The following CARD6 variants were observed in gnomAD, a reference collection of about 807,000 sequenced individuals.
The protein encoded by CARD6 is caspase recruitment domain-containing protein 6.
CARD6 carries 27 observed loss-of-function variants against 23.6 expected under a neutral mutation model. The observed-to-expected ratio is 1.14, with a 90% CI of 0.84 to 1.58. The LOEUF is 1.58. CARD6 is among the 40% of genes most tolerant of loss of function. The pLI is 0.00. For missense variants in CARD6, 1,214 were observed against 1,209.9 expected (o/e 1.00, Z -0.05); for synonymous variants, 397 against 431.8 (o/e 0.92, Z 1.00).
chr5:40,855,213 T>C lies in CARD6; in HGVS notation c.*767T>C, dbSNP rs1019179732. 1.3e-5 allele frequency: 2 copies of C among 152,384 alleles called. No individual in the cohort carries two copies. Among genetic ancestry groups the C allele is most frequent in the African/African-American group, 4.8e-5 (2 of 41,484 alleles). The allele number at this position is 152,384 out of a possible 1,614,324, so 9.4% of individuals were successfully genotyped here. ...GGTTCAATATCAGCCACTGAGCAGA[T>C]AACCCTGCTTATTTGGTGTGGTTAA... On this transcript the variant is annotated 3_prime_UTR_variant, in exon 3 of 3. Transcript: ENST00000254691.
Position 40,852,544 on chromosome 5 carries a change from T to G in CARD6, c.1212T>G (p.Ala404=), listed in dbSNP as rs758933185. 2 of 1,614,216 alleles carry G rather than the reference T, an allele frequency of 1.2e-6. No individual in the cohort carries two copies. The highest frequency in any genetic ancestry group is 2.2e-5 in the East Asian group (1 of 44,888). The change falls in exon 3 of 3, where the codon GCT becomes GCG. Residue 404 remains alanine (A), a synonymous_variant. Transcript: ENST00000254691. ...CAAACATGTATCAGTGCCAGTTTGCTCTTCCCCTGCTACTGCCAGATGCAG... is the reference window on the plus strand; with the variant it reads ...CAAACATGTATCAGTGCCAGTTTGCGCTTCCCCTGCTACTGCCAGATGCAG... ...VMSNMYQCQF[A]LPLLLPDAEN...
At chr5:40,852,065 C>T (rs1438658547) in intron 2 of CARD6, 109 bp from the exon 3 acceptor site, 2 of 672,490 alleles carry the variant, frequency 3.0e-6, no homozygotes, top group Non-Finnish European at 5.1e-6. Context: ...GATGATCATG[C>T]CCCTGGATTC....
In CARD6 at chr5:40,850,366, A is replaced by G. The variant is rs1395382973; in HGVS notation, c.842-1808A>G. Reference sequence around the variant, plus strand: ...GAGGTGGAGGTTTCAGTGAGCTGAGATCGTGCCACTGCACTCCAGCCTGGG... The same window carrying G: ...GAGGTGGAGGTTTCAGTGAGCTGAGGTCGTGCCACTGCACTCCAGCCTGGG... On this transcript the variant is annotated intron_variant, in intron 2 of 2. Transcript: ENST00000254691. Among the ~76,000 whole-genome samples the G allele has an allele frequency of 6.0e-5, 8 of 133,122 alleles. No individual in the cohort carries two copies. In the East Asian group the frequency reaches 2.0e-3, roughly 33 times the overall value. The allele number at this position is 133,122 out of a possible 152,430, so 87.3% of individuals were successfully genotyped here.
Position 40,843,209 on chromosome 5 carries a change from C to T in CARD6, c.341C>T (p.Ser114Leu), listed in dbSNP as rs1490074721. ...PPQSMGASSN[S>L]EDAFSPGIKQ... is the part of the protein sequence containing the mutation. ...CAATCTATGGGGGCAAGCAGTAATT[C>T]AGAAGATGCTTTTTCTCCTGGAATA... Residue 114 changes from serine to leucine, a missense_variant, in exon 2 of 3, where the codon TCA (serine) becomes TTA (leucine). Ser to Leu is a moderately radical substitution (Grantham distance 145). Transcript: ENST00000254691. 4.3e-6 allele frequency: 7 copies of T among 1,613,512 alleles called. No homozygotes were observed. The highest frequency in any genetic ancestry group is 5.9e-6 in the Non-Finnish European group (7 of 1,179,822).
rs1745914309 is a variant in CARD6 at position 40,843,557 on chromosome 5, AG to A, written c.691del (p.Glu231ArgfsTer49). ...TPEDAEATVE[E>X]EVYDDPEHVG... Reference sequence around the variant, plus strand: ...GAAGATGCAGAAGCCACTGTGGAAGAGGAGGTTTATGATGACCCAGAGCACG... The same window carrying A: ...GAAGATGCAGAAGCCACTGTGGAAGAGAGGTTTATGATGACCCAGAGCACG... On this transcript the variant is annotated frameshift_variant, in exon 2 of 3. Coordinates refer to ENST00000254691, the MANE Select transcript of CARD6 (RefSeq NM_032587.4). LOFTEE classifies it high-confidence loss of function. 1 of 1,609,564 alleles carries A rather than the reference AG, an allele frequency of 6.2e-7. No individual in the cohort carries two copies. The highest frequency in any genetic ancestry group is 8.5e-7 in the Non-Finnish European group (1 of 1,178,900).
At position 40,853,550 on chromosome 5, in the gene CARD6, G is replaced by C; in HGVS notation, c.2218G>C (p.Gly740Arg). The change falls in exon 3 of 3, where the codon GGT becomes CGT. Residue 740 changes from glycine (G) to arginine (R), a missense_variant. Transcript: ENST00000254691. ...NSWLFPTRIG[G>R]NFNHVSLKAS... ...CTGGCTCTTTCCAACCAGAATTGGA[G>C]GTAACTTTAACCATGTTTCCTTGAA... 1 of 1,614,210 alleles carries C rather than the reference G, an allele frequency of 6.2e-7. No homozygotes were observed. The highest frequency in any genetic ancestry group is 8.5e-7 in the Non-Finnish European group (1 of 1,180,020).
At position 40,843,471 on chromosome 5, in the gene CARD6, G is replaced by A. The variant is rs140482659; in HGVS notation, c.603G>A (p.Glu201=). 2.5e-5 allele frequency: 40 copies of A among 1,612,218 alleles called. No homozygotes were observed. The highest frequency in any genetic ancestry group is 3.4e-5 in the Admixed American group (2 of 59,564). ...ITYIKDGQRY[E]ELDDSLYLGK... is the part of the protein sequence containing the mutation. Reference sequence around the variant, plus strand: ...ATATAAAAGATGGACAGAGATATGAGGAGCTAGATGATTCTTTATACTTAG... The same window carrying A: ...ATATAAAAGATGGACAGAGATATGAAGAGCTAGATGATTCTTTATACTTAG... Residue 201 remains glutamate, a synonymous_variant, in exon 2 of 3, where the codon GAG becomes GAA. Coordinates refer to ENST00000254691, the MANE Select transcript of CARD6 (RefSeq NM_032587.4).
intron 1 of CARD6, 103 bp from the exon 2 acceptor site, chr5:40,843,049 T>C: frequency 2.7e-6 from 2 of 750,136 alleles, no homozygotes; most frequent in Admixed American, 2.9e-5. Context: ...AAAAAATAAA[T>C]AAATAAATAA....
At chr5:40,850,488 G>A (rs1746045369) in intron 2 of CARD6, among the ~76,000 whole-genome samples, 1 of 147,888 alleles carries the variant, frequency 6.8e-6, no homozygotes, top group African/African-American at 2.5e-5. Context: ...GCTGAGGAGG[G>A]TGGATTGCCT....
At position 40,853,740 on chromosome 5, in the gene CARD6, C is replaced by G. The variant is rs773462903; in HGVS notation, c.2408C>G (p.Ser803Cys). The change falls in exon 3 of 3, where the codon TCC (serine) becomes TGC (cysteine). Residue 803 changes from serine (S) to cysteine (C), a missense_variant. Transcript: ENST00000254691. ...TCAGGTGAAAGATTCATGAAATTTTCCAGAGTTGCTCGGGGATGTCACTCG... is the reference window on the plus strand; with the variant it reads ...TCAGGTGAAAGATTCATGAAATTTTGCAGAGTTGCTCGGGGATGTCACTCG... ...FYSGERFMKF[S>C]RVARGCHSNG... The G allele has an allele frequency of 6.2e-7, 1 of 1,614,134 alleles. No homozygotes were observed. Among genetic ancestry groups the G allele is most frequent in the Admixed American group, 1.7e-5 (1 of 60,006 alleles).
At chr5:40,847,345 G>A (rs1236886743) in intron 2 of CARD6, among the ~76,000 whole-genome samples, 2 of 152,296 alleles carry the variant, frequency 1.3e-5, no homozygotes, top group East Asian at 3.9e-4. Flanking sequence ...AACTTGTATA[G>A]ACAGTATCAA....
chr5:40,849,144 C>T (rs1363528542), intron 2 of CARD6, among the ~76,000 whole-genome samples: 2 of 151,998 alleles, frequency 1.3e-5, no homozygotes, highest in African/African-American at 4.8e-5. Flanking sequence ...CTACAGGCAC[C>T]TGCCACCACA....
Position 40,853,661 on chromosome 5 carries a change from C to G in CARD6, c.2329C>G (p.Gln777Glu). The change falls in exon 3 of 3, where the codon CAG (glutamine) becomes GAG (glutamate). Residue 777 changes from glutamine to glutamate, a missense_variant. Physicochemically the swap from Gln to Glu is conservative, Grantham distance 29. Transcript: ENST00000254691. Reference protein sequence around the residue: ...HPLPFQNAGAQGRGKSFGIQS... With the variant: ...HPLPFQNAGAEGRGKSFGIQS... ...TTTGCCTTTTCAGAATGCAGGGGCC[C>G]AGGGCCGAGGTAAAAGTTTTGGTAT... The G allele has an allele frequency of 1.9e-6, 3 of 1,614,218 alleles. No individual in the cohort carries two copies. Among genetic ancestry groups the G allele is most frequent in the Non-Finnish European group, 2.5e-6 (3 of 1,180,046 alleles).
In CARD6 at chr5:40,843,164, A is replaced by G. The variant is rs1275315371; in HGVS notation, c.296A>G (p.His99Arg). The G allele has an allele frequency of 1.3e-6, 2 of 1,577,052 alleles. No homozygotes were observed. Among genetic ancestry groups the G allele is most frequent in the East Asian group, 2.2e-5 (1 of 44,684 alleles). The change falls in exon 2 of 3, where the codon CAT (histidine) becomes CGT (arginine). Residue 99 changes from histidine (H) to arginine (R), a missense_variant. His to Arg is a conservative substitution (Grantham distance 29). Coordinates refer to ENST00000254691, the MANE Select transcript of CARD6 (RefSeq NM_032587.4). ...CTTTTCTTTGCAGAAGTTTTAAAACATGAGAATACAGTACCTCCTCAATCT... is the reference window on the plus strand; with the variant it reads ...CTTTTCTTTGCAGAAGTTTTAAAACGTGAGAATACAGTACCTCCTCAATCT... ...ICGLRHEVLK[H>R]ENTVPPQSMG...
rs1430284062 is a variant in CARD6 at position 40,841,404 on chromosome 5, TCA to T, written c.23_24del (p.Ser8Ter). On this transcript the variant is annotated frameshift_variant, in exon 1 of 3. Coordinates refer to ENST00000254691, the MANE Select transcript of CARD6 (RefSeq NM_032587.4). LOFTEE classifies it high-confidence loss of function. ...AACAATGGCTACCGAGAGTACTCCC[TCA>T]GAGATCATAGAAAGAGAAAGAAAAA... Reference protein sequence around the residue: MATESTPSEIIERERKKL... With the variant: MATESTPXEIIERERKKL... 7 of 1,610,856 alleles carry T rather than the reference TCA, an allele frequency of 4.3e-6. No homozygotes were observed. Among genetic ancestry groups the T allele is most frequent in the African/African-American group, 4.0e-5 (3 of 74,552 alleles).
At position 40,843,136 on chromosome 5, in the gene CARD6, ATTCTT is replaced by A. The variant is rs1745902512; in HGVS notation, c.284-9_284-5del. 6.5e-7 allele frequency: 1 copy of A among 1,542,810 alleles called. No homozygotes were observed. Among genetic ancestry groups the A allele is most frequent in the Non-Finnish European group, 8.7e-7 (1 of 1,146,906 alleles). ...TTCTTTTTCTTAATTGGGAAAAACA[ATTCTT>A]TTCTTTGCAGAAGTTTTAAAACATG... On this transcript the variant is annotated splice_polypyrimidine_tract_variant and intron_variant, in intron 1 of 2. Transcript: ENST00000254691.
intron 2 of CARD6, among the ~76,000 whole-genome samples, chr5:40,848,389 A>G (rs1206219418): frequency 6.6e-6 from 1 of 151,556 alleles, no homozygotes; most frequent in Non-Finnish European, 1.5e-5. Flanking sequence ...TTAATTTTGT[A>G]TTTTTTGTAG....
Position 40,841,632 on chromosome 5 carries a change from CCA to C in CARD6, c.253_254del (p.Gln85ValfsTer10). The C allele has an allele frequency of 6.2e-7, 1 of 1,613,832 alleles. No individual in the cohort carries two copies. Among genetic ancestry groups the C allele is most frequent in the Non-Finnish European group, 8.5e-7 (1 of 1,179,924 alleles). ...HFLKCLFSTF[P>X]QSAAICGLRH... ...TCTCAAGTGTTTATTTAGTACTTTTCCACAGTCAGCTGCCATTTGCGGCTTAA... is the reference window on the plus strand; with the variant it reads ...TCTCAAGTGTTTATTTAGTACTTTTCCAGTCAGCTGCCATTTGCGGCTTAA... On this transcript the variant is annotated frameshift_variant, in exon 1 of 3. Transcript: ENST00000254691. LOFTEE classifies it high-confidence loss of function.
Position 40,843,232 on chromosome 5 carries a change from A to C in CARD6, c.364A>C (p.Ile122Leu), listed in dbSNP as rs201952628. Residue 122 changes from isoleucine to leucine, a missense_variant, in exon 2 of 3, where the codon ATA (isoleucine) becomes CTA (leucine). Physicochemically the swap from Ile to Leu is conservative, Grantham distance 5. Transcript: ENST00000254691. ...TTCAGAAGATGCTTTTTCTCCTGGA[A>C]TAAAACAGCCTGAAGCCCCTGAGAT... is the stretch of plus-strand genomic sequence containing the variant. The part of the protein sequence containing the change: ...SNSEDAFSPG[I>L]KQPEAPEITV... 175 of 1,613,906 alleles carry C rather than the reference A, an allele frequency of 1.1e-4. 1 individual carries two copies. The highest frequency in any genetic ancestry group is 5.1e-6 in the Non-Finnish European group (6 of 1,179,952).
Sources: gnomAD v4.1 joint callset for allele counts (sites outside exome capture counted in the v4.1 genomes callset) on GRCh38, gnomAD v4.1.1 for gene constraint, MANE v1.5 for transcripts, NCBI Gene and HGNC (gene_info 2026-07-23, HGNC 2026-07-21) for gene names.